Variants in ADGRL3 observed in about 807,000 individuals in gnomAD.
ADGRL3 encodes the protein adhesion G protein-coupled receptor L3.
Under a neutral mutation model 153.5 loss-of-function variants are expected in ADGRL3, and 62 were observed. That is an observed-to-expected ratio of 0.40 (90% confidence interval 0.33 to 0.50). ADGRL3 has a LOEUF of 0.50. ADGRL3 is among the 20% of genes least tolerant of loss of function. ADGRL3 has a pLI of 0.47. For missense variants in ADGRL3, 1,641 were observed against 1,859.4 expected, an observed-to-expected ratio of 0.88 and a Z score of 2.16; for synonymous variants, 710 against 672.5, an observed-to-expected ratio of 1.06 and a Z score of -0.86.
chr4:61,545,856 C>G (rs1253578266), intron 4 of ADGRL3, among the ~76,000 whole-genome samples: 1 of 149,388 alleles, frequency 6.7e-6, no homozygotes, highest in Non-Finnish European at 1.5e-5. Flanking sequence ...TTTGAAGTTT[C>G]AAAAATCTTT....
intron 3 of ADGRL3, among the ~76,000 whole-genome samples, chr4:61,502,796 A>G (rs1248122119): frequency 6.6e-6 from 1 of 152,196 alleles, no homozygotes; most frequent in Non-Finnish European, 1.5e-5. Context: ...TTTATCATAT[A>G]ATTCTTTCTA....
rs200449917 is a variant in ADGRL3 at position 61,756,516 on chromosome 4, T to G, written c.1399+22962T>G. 3.6e-4 allele frequency among the ~76,000 whole-genome samples: 55 copies of G among 152,346 alleles called. 1 individual carries two copies. In the East Asian group the frequency reaches 9.3e-3, roughly 26 times the overall value. The stretch of plus-strand genomic sequence containing the variant: ...GTTGCCTATCAACTTAAGGAGATTT[T>G]GGGCTGAGACGATGGGGTTTTCTAG... On this transcript the variant is annotated intron_variant, in intron 8 of 26. Coordinates refer to ENST00000683033, the MANE Select transcript of ADGRL3 (RefSeq NM_001387552.1).
At chr4:61,597,721 A>T (rs1364064482) in intron 5 of ADGRL3, among the ~76,000 whole-genome samples, 1 of 150,894 alleles carries the variant, frequency 6.6e-6, no homozygotes, top group Non-Finnish European at 1.5e-5. Context: ...GATATATGGT[A>T]TAGCCTTCAG....
chr4:61,529,086 C>T (rs1208654312), intron 4 of ADGRL3, among the ~76,000 whole-genome samples: 1 of 152,098 alleles, frequency 6.6e-6, no homozygotes, highest in Non-Finnish European at 1.5e-5. Context: ...ATGATCTGGG[C>T]TTTATGAATA....
At chr4:61,833,215 A>G (rs2097893515) in intron 9 of ADGRL3, among the ~76,000 whole-genome samples, 1 of 152,154 alleles carries the variant, frequency 6.6e-6, no homozygotes, top group African/African-American at 2.4e-5. Context: ...TTTTATATAA[A>G]ATAAGGAGCA....
rs185570989 is a variant in ADGRL3 at position 61,662,022 on chromosome 4, T to A, written c.474-14804T>A. ...AAGCAGGTTGTAGTAGTGAAGGCAGTGGTAGCCAATCTGGAGTGGCCACTG... is the reference window on the plus strand; with the variant it reads ...AAGCAGGTTGTAGTAGTGAAGGCAGAGGTAGCCAATCTGGAGTGGCCACTG... On this transcript the variant is annotated intron_variant, in intron 5 of 26. Transcript: ENST00000683033. 8.7e-4 allele frequency among the ~76,000 whole-genome samples: 132 copies of A among 152,324 alleles called. 2 individuals carry two copies. Among genetic ancestry groups the A allele is most frequent in the African/African-American group, 3.1e-3 (129 of 41,586 alleles).
At chr4:61,226,793 G>GA (rs35045517) in intron 1 of ADGRL3, among the ~76,000 whole-genome samples, 6,868 of 148,082 alleles carry the variant, frequency 0.046, 524 homozygotes, top group African/African-American at 0.16. Context: ...GTGTTAGTAG[G>GA]AAAAAAAAAA....
chr4:61,608,053 G>T (rs2149632133), intron 5 of ADGRL3, among the ~76,000 whole-genome samples: 1 of 152,278 alleles, frequency 6.6e-6, no homozygotes. Context: ...AAAGAAAAAA[G>T]AACAGAATAA....
rs1288531869 is a variant in ADGRL3, at chr4:62,077,777, G to T, written c.*6869G>T. The T allele has an allele frequency of 1.3e-5, 2 of 151,936 alleles. No individual in the cohort carries two copies. The allele number at this position is 151,936 out of a possible 1,614,324, so 9.4% of individuals were successfully genotyped here. A position where few individuals can be genotyped will look rare whatever the true frequency, so the allele number is the denominator to read the frequency against. On this transcript the variant is annotated 3_prime_UTR_variant, in exon 27 of 27. Coordinates refer to ENST00000683033, the MANE Select transcript of ADGRL3 (RefSeq NM_001387552.1). Reference sequence around the variant, plus strand: ...TTTTCATGACTCATTTGAGAATAAAGATTTCCTTCATCACCCTAAGTAATA... The same window carrying T: ...TTTTCATGACTCATTTGAGAATAAATATTTCCTTCATCACCCTAAGTAATA...
chr4:61,250,453 G>T (rs1292420531), intron 1 of ADGRL3, among the ~76,000 whole-genome samples: 2 of 152,160 alleles, frequency 1.3e-5, no homozygotes, highest in East Asian at 3.9e-4. Context: ...GTGATGTTTG[G>T]TGCCTTTTAT....
rs1179431237 is a variant in ADGRL3, at chr4:62,072,939, T to C, written c.*2031T>C. 1 of 152,140 alleles carries C rather than the reference T, an allele frequency of 6.6e-6. No homozygotes were observed. Among genetic ancestry groups the C allele is most frequent in the East Asian group, 1.9e-4 (1 of 5,182 alleles). 9.4% of individuals were successfully genotyped at this position (152,140 alleles called of 1,614,324 possible). A position where few individuals can be genotyped will look rare whatever the true frequency, so the allele number is the denominator to read the frequency against. ...AGACTTTTATTGTGTTTTTTTCTTATTCTATATATGAGGGAAATCGGAAAA... is the reference window on the plus strand; with the variant it reads ...AGACTTTTATTGTGTTTTTTTCTTACTCTATATATGAGGGAAATCGGAAAA... On this transcript the variant is annotated 3_prime_UTR_variant, in exon 27 of 27. Coordinates refer to ENST00000683033, the MANE Select transcript of ADGRL3 (RefSeq NM_001387552.1).
chr4:61,581,318 T>A (rs2098924117), intron 4 of ADGRL3, among the ~76,000 whole-genome samples: 1 of 152,022 alleles, frequency 6.6e-6, no homozygotes, highest in Non-Finnish European at 1.5e-5. Flanking sequence ...ACGTGCACGG[T>A]AGCTGTACAT....
At chr4:61,841,690 G>A (rs1295944990) in intron 9 of ADGRL3, among the ~76,000 whole-genome samples, 1 of 151,824 alleles carries the variant, frequency 6.6e-6, no homozygotes, top group East Asian at 1.9e-4. Flanking sequence ...TTTTGTTATT[G>A]GATAAAGTAA....
At chr4:61,808,088 A>G (rs777428159) in intron 8 of ADGRL3, among the ~76,000 whole-genome samples, 47 of 152,192 alleles carry the variant, frequency 3.1e-4, no homozygotes, top group Non-Finnish European at 5.0e-4. Flanking sequence ...AGCTTTCTCC[A>G]GGTACTGATT....
At chr4:61,298,285 T>A (rs2094476126) in intron 1 of ADGRL3, among the ~76,000 whole-genome samples, 1 of 152,158 alleles carries the variant, frequency 6.6e-6, no homozygotes, top group South Asian at 2.1e-4. Context: ...ATCATAGTAA[T>A]ATTCAAGGGA....
intron 2 of ADGRL3, among the ~76,000 whole-genome samples, chr4:61,456,997 G>A (rs1267641419): frequency 2.6e-5 from 4 of 151,740 alleles, no homozygotes; most frequent in Non-Finnish European, 1.5e-5. Flanking sequence ...ACTTATGATA[G>A]TTTTTCTAAG....
chr4:61,774,417 T>A (rs868081310), intron 8 of ADGRL3, among the ~76,000 whole-genome samples: 305 of 135,712 alleles, frequency 2.2e-3, no homozygotes, highest in African/African-American at 7.4e-3. Context: ...AAAAAAAAAA[T>A]AAAAATAAAA....
intron 1 of ADGRL3, among the ~76,000 whole-genome samples, chr4:61,360,324 A>T (rs1015935173): frequency 6.6e-6 from 1 of 152,168 alleles, no homozygotes; most frequent in African/African-American, 2.4e-5. Context: ...GACCAAAATC[A>T]TTAGAAAAGA....
intron 17 of ADGRL3, among the ~76,000 whole-genome samples, chr4:61,953,045 TG>T (rs1287856416): frequency 6.6e-6 from 1 of 152,220 alleles, no homozygotes; most frequent in African/African-American, 2.4e-5. Context: ...AACATGATTT[TG>T]GAATGTTAGC....
Sources: allele counts gnomAD v4.1 joint callset (sites outside exome capture counted in the v4.1 genomes callset), GRCh38; gene constraint gnomAD v4.1.1; transcripts MANE v1.5; gene names NCBI Gene and HGNC (gene_info 2026-07-23, HGNC 2026-07-21).